DAAM1: variants seen among roughly 807,000 people sequenced by gnomAD.
DAAM1 encodes the protein disheveled-associated activator of morphogenesis 1.
A neutral mutation model predicts 130.0 loss-of-function variants in DAAM1; 52 were observed. That is an observed-to-expected ratio of 0.40 (90% CI 0.32 to 0.50). The LOEUF is 0.50. DAAM1 is among the 20% of genes least tolerant of loss of function. The probability of loss-of-function intolerance (pLI) is 0.61; values close to 1 mark genes in which losing one functional copy is unlikely to be tolerated. For missense variants in DAAM1, 1,134 were observed against 1,303.8 expected, an observed-to-expected ratio of 0.87 and a Z score of 2.01; for synonymous variants, 452 against 444.5, an observed-to-expected ratio of 1.02 and a Z score of -0.21.
intron 1 of DAAM1, among the ~76,000 whole-genome samples, chr14:59,192,994 A>G (rs536288340): frequency 1.3e-5 from 2 of 152,360 alleles, no homozygotes; most frequent in East Asian, 3.9e-4. Context: ...CGGAGCTTGC[A>G]GTGAACGGAG....
At chr14:59,304,114 A>G (rs905207838) in intron 3 of DAAM1, among the ~76,000 whole-genome samples, 1 of 152,120 alleles carries the variant, frequency 6.6e-6, no homozygotes, top group African/African-American at 2.4e-5. Flanking sequence ...GGTATGGCCC[A>G]TACTTTCACA....
intron 12 of DAAM1, among the ~76,000 whole-genome samples, chr14:59,328,877 G>C (rs1168864776): frequency 1.3e-5 from 2 of 152,166 alleles, no homozygotes; most frequent in Non-Finnish European, 2.9e-5. Flanking sequence ...ATAGTTAAAT[G>C]TTAGTTTTTT....
At chr14:59,302,703 G>C (rs556448053) in intron 3 of DAAM1, among the ~76,000 whole-genome samples, 18 of 152,158 alleles carry the variant, frequency 1.2e-4, no homozygotes, top group Non-Finnish European at 2.4e-4. Flanking sequence ...ACCCACACTG[G>C]AGTGCAGTGG....
chr14:59,210,232 A>G (rs1263031655), intron 1 of DAAM1, among the ~76,000 whole-genome samples: 5 of 152,218 alleles, frequency 3.3e-5, no homozygotes, highest in Non-Finnish European at 2.9e-5. Flanking sequence ...GCATTAAAGC[A>G]TTTTTCACTT....
chr14:59,200,059 A>C (rs1236584716), intron 1 of DAAM1, among the ~76,000 whole-genome samples: 1 of 152,214 alleles, frequency 6.6e-6, no homozygotes, highest in Non-Finnish European at 1.5e-5. Context: ...TTATTTGGGC[A>C]GTTGGTTAGA....
chr14:59,336,770 A>G (rs1885644134), intron 15 of DAAM1, among the ~76,000 whole-genome samples: 1 of 152,220 alleles, frequency 6.6e-6, no homozygotes, highest in African/African-American at 2.4e-5. Flanking sequence ...GAATAAGTGG[A>G]CTTGATCATC....
Position 59,367,580 on chromosome 14 carries a change from G to A in DAAM1, c.2978G>A (p.Arg993Gln), listed in dbSNP as rs754884597. ...AAGAAAAAGGAGGAAGAAGAACGTCGAGCTCGCATGGAAGCTCAGGTGAGA... is the reference window on the plus strand; with the variant it reads ...AAGAAAAAGGAGGAAGAAGAACGTCAAGCTCGCATGGAAGCTCAGGTGAGA... ...MRKKKEEEER[R>Q]ARMEAQLKEQ... is the part of the protein sequence containing the mutation. The change falls in exon 24 of 25, where the codon CGA (arginine) becomes CAA (glutamine). Residue 993 changes from arginine to glutamine, a missense_variant. By Grantham distance (43) the Arg-to-Gln change is conservative. Transcript: ENST00000360909. 3.7e-6 allele frequency: 6 copies of A among 1,613,248 alleles called. No individual in the cohort carries two copies. Among genetic ancestry groups the A allele is most frequent in the Admixed American group, 3.3e-5 (2 of 59,970 alleles).
chr14:59,289,055 A>G (rs1027982421), intron 2 of DAAM1, among the ~76,000 whole-genome samples: 2 of 152,118 alleles, frequency 1.3e-5, no homozygotes, highest in African/African-American at 2.4e-5. Flanking sequence ...AGCTGGGACT[A>G]CAGGCGTGTG....
At chr14:59,346,148 G>C (rs1886072677) in intron 16 of DAAM1, among the ~76,000 whole-genome samples, 1 of 148,078 alleles carries the variant, frequency 6.8e-6, no homozygotes, top group South Asian at 2.2e-4. Flanking sequence ...TGGGGGGGGG[G>C]GGGTGCCTGG....
At chr14:59,271,246 T>C (rs369005560) in intron 2 of DAAM1, among the ~76,000 whole-genome samples, 2 of 152,188 alleles carry the variant, frequency 1.3e-5, no homozygotes, top group Admixed American at 6.5e-5. Context: ...AGAAACTTGT[T>C]GTGAAATTCA....
intron 1 of DAAM1, among the ~76,000 whole-genome samples, chr14:59,192,802 C>A (rs1484482378): frequency 1.3e-5 from 2 of 152,188 alleles, no homozygotes; most frequent in Non-Finnish European, 2.9e-5. Flanking sequence ...GCCTGTAATC[C>A]CAGCACTTTG....
At chr14:59,338,392 T>C in intron 15 of DAAM1, 1 of 1,613,794 alleles carries the variant, frequency 6.2e-7, no homozygotes, top group Non-Finnish European at 8.5e-7. Context: ...TAGGATTTCT[T>C]TGTGAACAGT....
intron 1 of DAAM1, among the ~76,000 whole-genome samples, chr14:59,196,173 C>T (rs1887884038): frequency 6.6e-6 from 1 of 152,128 alleles, no homozygotes; most frequent in South Asian, 2.1e-4. Flanking sequence ...ATGACAGATG[C>T]CATCAATGTG....
chr14:59,223,537 A>G (rs1888842464), intron 1 of DAAM1, among the ~76,000 whole-genome samples: 1 of 152,134 alleles, frequency 6.6e-6, no homozygotes, highest in Non-Finnish European at 1.5e-5. Flanking sequence ...CACTTCAGGC[A>G]ATGTTGGAAT....
chr14:59,251,287 G>T (rs1238937697), intron 1 of DAAM1, among the ~76,000 whole-genome samples: 1 of 152,176 alleles, frequency 6.6e-6, no homozygotes, highest in Non-Finnish European at 1.5e-5. Flanking sequence ...GTAAGATGTG[G>T]ATCAAAGGGC....
At chr14:59,366,269 A>G (rs535254136) in intron 23 of DAAM1, among the ~76,000 whole-genome samples, 29 of 152,308 alleles carry the variant, frequency 1.9e-4, no homozygotes, top group African/African-American at 6.7e-4. Flanking sequence ...AAGGGGTTCT[A>G]AAGCAAAGAA....
At chr14:59,192,318 T>TG in intron 1 of DAAM1, among the ~76,000 whole-genome samples, 1 of 152,288 alleles carries the variant, frequency 6.6e-6, no homozygotes, top group South Asian at 2.1e-4. Flanking sequence ...ATTTGGGAGA[T>TG]GGCATAAAGA....
rs568173238 is a variant in DAAM1 at position 59,208,890 on chromosome 14, C to A, written c.-38+20122C>A. 3.9e-5 allele frequency among the ~76,000 whole-genome samples: 6 copies of A among 152,190 alleles called. No homozygotes were observed. In the South Asian group the frequency reaches 1.2e-3, roughly 32 times the overall value. On this transcript the variant is annotated intron_variant, in intron 1 of 24. Transcript: ENST00000360909. Reference sequence around the variant, plus strand: ...ACCTTCCCCTATCTTTCTCTTGCTCCTTCTCTGGCCATGTGATGTACTGGC... The same window carrying A: ...ACCTTCCCCTATCTTTCTCTTGCTCATTCTCTGGCCATGTGATGTACTGGC...
intron 24 of DAAM1, among the ~76,000 whole-genome samples, chr14:59,368,403 C>A (rs1022340060): frequency 8.6e-5 from 13 of 151,920 alleles, no homozygotes; most frequent in African/African-American, 3.1e-4. Flanking sequence ...GAATATCATG[C>A]AGTTTACCTA....
Sources: allele counts gnomAD v4.1 joint callset (sites outside exome capture counted in the v4.1 genomes callset), GRCh38; gene constraint gnomAD v4.1.1; transcripts MANE v1.5; gene names NCBI Gene and HGNC (gene_info 2026-07-23, HGNC 2026-07-21).